The following CEP85L variants were observed in gnomAD, a reference collection of about 807,000 sequenced individuals.
The protein encoded by CEP85L is centrosomal protein of 85 kDa-like.
In CEP85L, 60 loss-of-function variants were observed where a neutral mutation model predicts 100.3. That is an observed-to-expected ratio of 0.60 (90% confidence interval 0.49 to 0.74). CEP85L has a LOEUF of 0.74. Ranked by LOEUF, CEP85L falls within the 30% of genes least tolerant of loss-of-function variation. The probability of loss-of-function intolerance (pLI) is 0.00; values close to 1 mark genes in which losing one functional copy is unlikely to be tolerated. For missense variants in CEP85L, 973 were observed against 936.2 expected, an observed-to-expected ratio of 1.04 and a Z score of -0.51; for synonymous variants, 319 against 322.7, an observed-to-expected ratio of 0.99 and a Z score of 0.12.
At chr6:118,506,715 C>A (rs1775681501) in intron 5 of CEP85L, among the ~76,000 whole-genome samples, 1 of 152,130 alleles carries the variant, frequency 6.6e-6, no homozygotes, top group South Asian at 2.1e-4. Context: ...TGTTTTGTAG[C>A]AAGACAAGCT....
intron 2 of CEP85L, among the ~76,000 whole-genome samples, chr6:118,603,304 G>A (rs941309888): frequency 6.6e-6 from 1 of 152,146 alleles, no homozygotes; most frequent in Non-Finnish European, 1.5e-5. Context: ...GTGTAGGCAA[G>A]GAATGAGGCC....
rs552621656 is a variant in CEP85L, at chr6:118,514,405, G to C, written c.1140-2990C>G. ...CTGGTCATGGTGATGCATGCCTGTA[G>C]TCCCAGCTACCTGGGAGGCTGAGGC... is the stretch of plus-strand genomic sequence containing the variant. On this transcript the variant is annotated intron_variant, in intron 4 of 12. Transcript: ENST00000368491. Among the ~76,000 whole-genome samples, 15 of 151,794 alleles carry C rather than the reference G, an allele frequency of 9.9e-5. No individual in the cohort carries two copies. In the South Asian group the frequency reaches 3.1e-3, roughly 32 times the overall value.
intron 2 of CEP85L, among the ~76,000 whole-genome samples, chr6:118,620,340 G>T (rs62422225): frequency 0.013 from 1,993 of 152,224 alleles, 30 homozygotes; most frequent in Non-Finnish European, 0.017. Context: ...GGCCAAAAGG[G>T]AAAAGCAAGA....
At chr6:118,588,299 T>A (rs1780981324) in intron 2 of CEP85L, among the ~76,000 whole-genome samples, 1 of 152,194 alleles carries the variant, frequency 6.6e-6, no homozygotes, top group Admixed American at 6.5e-5. Context: ...TCCCCTCTCC[T>A]TGAAAGATCA....
rs977759414 is a variant in CEP85L, at chr6:118,462,020, A to T, written c.*3385T>A. The T allele has an allele frequency of 6.6e-6, 1 of 152,022 alleles. No individual in the cohort carries two copies. The highest frequency in any genetic ancestry group is 2.4e-5 in the African/African-American group (1 of 41,450). The allele number at this position is 152,022 out of a possible 1,614,324, so 9.4% of individuals were successfully genotyped here. A position where few individuals can be genotyped will look rare whatever the true frequency, so the allele number is the denominator to read the frequency against. ...TTCCCAATTAAGTAGCTCCTTTAAAAACATCCTCTAAGAAATTAATAATTC... is the reference window on the plus strand; with the variant it reads ...TTCCCAATTAAGTAGCTCCTTTAAATACATCCTCTAAGAAATTAATAATTC... On this transcript the variant is annotated 3_prime_UTR_variant, in exon 13 of 13. Coordinates refer to ENST00000368491, the MANE Select transcript of CEP85L (RefSeq NM_001042475.3).
chr6:118,685,348 CATT>C (rs35650528), intron 1 of CEP85L, among the ~76,000 whole-genome samples: 68,713 of 151,684 alleles, frequency 0.45, 16,159 homozygotes, highest in African/African-American at 0.57. Flanking sequence ...AAACTCTAAC[CATT>C]ATTTCTTGGA....
At chr6:118,593,843 T>C (rs529392856) in intron 2 of CEP85L, among the ~76,000 whole-genome samples, 1 of 152,146 alleles carries the variant, frequency 6.6e-6, no homozygotes, top group Non-Finnish European at 1.5e-5. Context: ...ATGTGATCCA[T>C]CCTCAACACA....
intron 1 of CEP85L, among the ~76,000 whole-genome samples, chr6:118,691,621 C>A (rs1777048622): frequency 6.6e-6 from 1 of 151,002 alleles, no homozygotes; most frequent in African/African-American, 2.4e-5. Flanking sequence ...CGCCTGTAAT[C>A]CCAGCTACTT....
chr6:118,478,384 T>C (rs1254146724), intron 10 of CEP85L, among the ~76,000 whole-genome samples: 1 of 152,136 alleles, frequency 6.6e-6, no homozygotes. Flanking sequence ...ATCTCCAGCT[T>C]TGCTATTCAA....
At chr6:118,581,345 T>A (rs536550066) in intron 2 of CEP85L, among the ~76,000 whole-genome samples, 1 of 152,160 alleles carries the variant, frequency 6.6e-6, no homozygotes, top group Non-Finnish European at 1.5e-5. Context: ...TGGGCCATAA[T>A]AGCAGGATAT....
At chr6:118,493,106 A>G (rs1271727525) in intron 5 of CEP85L, among the ~76,000 whole-genome samples, 4 of 152,186 alleles carry the variant, frequency 2.6e-5, no homozygotes, top group Non-Finnish European at 5.9e-5. Flanking sequence ...GGATACATGA[A>G]GACATTGAGC....
intron 1 of CEP85L, among the ~76,000 whole-genome samples, chr6:118,669,441 C>T (rs971897723): frequency 1.5e-5 from 2 of 135,502 alleles, no homozygotes; most frequent in Non-Finnish European, 3.3e-5. Flanking sequence ...CAACTACCCA[C>T]CCCCTTGCCC....
chr6:118,681,752 T>A (rs1256546885), intron 1 of CEP85L, among the ~76,000 whole-genome samples: 1 of 44,074 alleles, frequency 2.3e-5, no homozygotes, highest in Non-Finnish European at 4.7e-5. Flanking sequence ...TTATTTCTTT[T>A]TTTTTTTTTT....
chr6:118,600,346 T>TGTGTGTGTGTGC (rs1781708840), intron 2 of CEP85L, among the ~76,000 whole-genome samples: 1 of 133,266 alleles, frequency 7.5e-6, no homozygotes, highest in African/African-American at 2.8e-5. Context: ...TGTGTGTGTG[T>TGTGTGTGTGTGC]GTGTGTGTGT....
chr6:118,621,307 G>T (rs1208460068), intron 2 of CEP85L, among the ~76,000 whole-genome samples: 1 of 152,118 alleles, frequency 6.6e-6, no homozygotes. Context: ...CAACCCCTAA[G>T]CCCCGCTCTC....
intron 3 of CEP85L, among the ~76,000 whole-genome samples, chr6:118,530,595 T>G (rs1361684224): frequency 2.0e-5 from 3 of 152,128 alleles, no homozygotes; most frequent in Admixed American, 6.5e-5. Flanking sequence ...ATTTGCAGAC[T>G]TTATGATTCT....
rs140302214 is a variant in CEP85L at position 118,633,710 on chromosome 6, T to C, written c.74-1099A>G. Among the ~76,000 whole-genome samples the C allele has an allele frequency of 3.9e-3, 597 of 152,338 alleles. 3 individuals carry two copies. The highest frequency in any genetic ancestry group is 0.014 in the African/African-American group (570 of 41,576). On this transcript the variant is annotated intron_variant, in intron 1 of 12. Transcript: ENST00000368491. ...TCTGTACTATTTGTTACAAGTTAGA[T>C]GCAGAAATAAATAAGCATCTAGAAA...
chr6:118,652,478 CTG>C (rs909406410), upstream of CEP85L: 9 of 1,308,064 alleles, frequency 6.9e-6, no homozygotes, highest in African/African-American at 1.4e-4. Flanking sequence ...TGGGCCAGCA[CTG>C]TGGTGGGAGG....
At position 118,494,507 on chromosome 6, in the gene CEP85L, G is replaced by A. The variant is rs77509406; in HGVS notation, c.1258-2642C>T. Reference sequence around the variant, plus strand: ...ACTCCAGCCTTCCACATAGAGGAGGGTTAATACACAAATCAAGCTCCTTTG... The same window carrying A: ...ACTCCAGCCTTCCACATAGAGGAGGATTAATACACAAATCAAGCTCCTTTG... On this transcript the variant is annotated intron_variant, in intron 5 of 12. Coordinates refer to ENST00000368491, the MANE Select transcript of CEP85L (RefSeq NM_001042475.3). 2.6e-3 allele frequency among the ~76,000 whole-genome samples: 395 copies of A among 152,250 alleles called. 1 individual carries two copies. The highest frequency in any genetic ancestry group is 9.1e-3 in the African/African-American group (378 of 41,544).
Sources: gnomAD v4.1 joint callset for allele counts (sites outside exome capture counted in the v4.1 genomes callset) on GRCh38, gnomAD v4.1.1 for gene constraint, MANE v1.5 for transcripts, NCBI Gene and HGNC (gene_info 2026-07-23, HGNC 2026-07-21) for gene names.